Variants in SLIT2 observed in about 807,000 individuals in gnomAD.
The protein encoded by SLIT2 is slit guidance ligand 2.
SLIT2 carries 41 observed loss-of-function variants against 185.7 expected under a neutral mutation model. The ratio of observed to expected loss-of-function variants is 0.22; its 90% CI spans 0.17 to 0.29. The LOEUF (loss-of-function observed/expected upper bound fraction) is 0.29. Ranked by LOEUF, SLIT2 falls within the 10% of genes least tolerant of loss-of-function variation. The pLI, the probability that SLIT2 is intolerant of heterozygous loss-of-function variation, is 1.00. For synonymous variants in SLIT2, 693 were observed against 680.2 expected (o/e 1.02, Z -0.29); for missense variants, 1,571 against 1,909.0 (o/e 0.82, Z 3.30).
At chr4:20,258,455 TA>T in intron 3 of SLIT2, among the ~76,000 whole-genome samples, 1 of 151,816 alleles carries the variant, frequency 6.6e-6, no homozygotes, top group Admixed American at 6.6e-5. Flanking sequence ...TTTTCAGTTT[TA>T]TTTTATTTGG....
chr4:20,483,106 CATT>C (rs1431451625), intron 6 of SLIT2, among the ~76,000 whole-genome samples: 2 of 151,982 alleles, frequency 1.3e-5, no homozygotes, highest in Non-Finnish European at 2.9e-5. Flanking sequence ...AATGAAGGAA[CATT>C]AACTTACACA....
chr4:20,359,322 G>A (rs1013145789), intron 4 of SLIT2, among the ~76,000 whole-genome samples: 1 of 152,012 alleles, frequency 6.6e-6, no homozygotes, highest in Non-Finnish European at 1.5e-5. Context: ...GCCAAAGAAT[G>A]GTGTGTTTTG....
rs3733508 is a variant in SLIT2 at position 20,440,865 on chromosome 4, C to T, written c.396-26887C>T. Among the ~76,000 whole-genome samples the T allele has an allele frequency of 2.1e-4, 32 of 152,236 alleles. No homozygotes were observed. The East Asian group carries it at 4.5e-3, about 21-fold the overall frequency. Reference sequence around the variant, plus strand: ...GTGGGCATAATTTTTAAGAGACTCACCTATTGAGGAGTCATCGTACCCAAA... The same window carrying T: ...GTGGGCATAATTTTTAAGAGACTCATCTATTGAGGAGTCATCGTACCCAAA... On this transcript the variant is annotated intron_variant, in intron 4 of 36. Transcript: ENST00000504154.
intron 4 of SLIT2, among the ~76,000 whole-genome samples, chr4:20,277,804 A>G (rs1714317855): frequency 6.7e-6 from 1 of 150,320 alleles, no homozygotes; most frequent in Admixed American, 6.6e-5. Flanking sequence ...AGGGAAGAAT[A>G]ATGCCATTAA....
chr4:20,525,050 T>C (rs1721162634), intron 14 of SLIT2, 99 bp from the exon 15 acceptor site: 1 of 841,832 alleles, frequency 1.2e-6, no homozygotes, highest in Non-Finnish European at 2.0e-6. Flanking sequence ...TTTCACTTAA[T>C]TGCAGTAACT....
Position 20,472,278 on chromosome 4 carries a change from A to ATATATATC in SLIT2, c.467+4462_467+4463insCTATATAT, listed in dbSNP as rs1715199086. Among the ~76,000 whole-genome samples, 14 of 32,850 alleles carry ATATATATC rather than the reference A, an allele frequency of 4.3e-4. No individual in the cohort carries two copies. In the South Asian group the frequency reaches 0.01, roughly 24 times the overall value. The allele number at this position is 32,850 out of a possible 152,430, so 21.6% of individuals were successfully genotyped here. A position where few individuals can be genotyped will look rare whatever the true frequency, so the allele number is the denominator to read the frequency against. ...TAGATCTATATATAGATATATATCTATATATATAGATATATAGATATATAG... is the reference window on the plus strand; with the variant it reads ...TAGATCTATATATAGATATATATCTATATATATCTATATATAGATATATAGATATATAG... On this transcript the variant is annotated intron_variant, in intron 5 of 36. Transcript: ENST00000504154.
Position 20,557,575 on chromosome 4 carries a change from C to T in SLIT2, c.2725+3607C>T, listed in dbSNP as rs542226775. On this transcript the variant is annotated intron_variant, in intron 26 of 36. Transcript: ENST00000504154. ...TGCTTCTTCACAGTGCACCTAGTCACCCAAGAGCTCTGATGGAAATACACA... is the reference window on the plus strand; with the variant it reads ...TGCTTCTTCACAGTGCACCTAGTCATCCAAGAGCTCTGATGGAAATACACA... Among the ~76,000 whole-genome samples, 9 of 152,112 alleles carry T rather than the reference C, an allele frequency of 5.9e-5. No homozygotes were observed. The East Asian group carries it at 1.2e-3, about 20-fold the overall frequency.
At chr4:20,578,956 T>G (rs1263871029) in intron 29 of SLIT2, among the ~76,000 whole-genome samples, 1 of 152,132 alleles carries the variant, frequency 6.6e-6, no homozygotes, top group African/African-American at 2.4e-5. Context: ...TAAGCCTAGA[T>G]GAGACATCCC....
intron 4 of SLIT2, among the ~76,000 whole-genome samples, chr4:20,288,638 A>G (rs919689541): frequency 1.3e-5 from 2 of 152,234 alleles, no homozygotes; most frequent in African/African-American, 4.8e-5. Context: ...ATGAACGGCT[A>G]TGGTTAATGG....
intron 33 of SLIT2, among the ~76,000 whole-genome samples, chr4:20,601,127 C>T (rs1309303605): frequency 6.6e-6 from 1 of 152,052 alleles, no homozygotes; most frequent in African/African-American, 2.4e-5. Context: ...GCATGAATAC[C>T]ATTTTATATC....
chr4:20,443,893 C>T (rs1444968563), intron 4 of SLIT2, among the ~76,000 whole-genome samples: 1 of 152,026 alleles, frequency 6.6e-6, no homozygotes, highest in Non-Finnish European at 1.5e-5. Flanking sequence ...GCCAGAGATT[C>T]AAGGAGGAGA....
intron 4 of SLIT2, among the ~76,000 whole-genome samples, chr4:20,306,815 A>G (rs1717592299): frequency 6.6e-6 from 1 of 152,064 alleles, no homozygotes; most frequent in Admixed American, 6.6e-5. Context: ...ATTGGTGACC[A>G]CTTCTGGTAT....
At chr4:20,519,184 A>G (rs1431931617) in intron 11 of SLIT2, among the ~76,000 whole-genome samples, 198 bp from the exon 12 acceptor site, 1 of 152,198 alleles carries the variant, frequency 6.6e-6, no homozygotes, top group African/African-American at 2.4e-5. Flanking sequence ...TCTGTTTTCC[A>G]AATGTTCTAC....
chr4:20,572,203 C>T (rs1725663402), intron 29 of SLIT2, among the ~76,000 whole-genome samples: 2 of 152,164 alleles, frequency 1.3e-5, no homozygotes, highest in South Asian at 4.1e-4. Flanking sequence ...TGTAACTTCA[C>T]CACCCTAGTC....
At chr4:20,599,335 T>C (rs1728235203) in intron 33 of SLIT2, among the ~76,000 whole-genome samples, 2 of 152,148 alleles carry the variant, frequency 1.3e-5, no homozygotes, top group Non-Finnish European at 2.9e-5. Context: ...GCAGACAATT[T>C]AGCTATTTAA....
intron 34 of SLIT2, 50 bp from the exon 35 acceptor site, chr4:20,616,860 G>T (rs1464966095): frequency 2.6e-6 from 4 of 1,529,462 alleles, no homozygotes; most frequent in Non-Finnish European, 2.6e-6. Flanking sequence ...GTAGCAAATG[G>T]CTCAGAAATC....
chr4:20,586,144 G>T (rs1727040369), intron 29 of SLIT2, among the ~76,000 whole-genome samples: 1 of 152,072 alleles, frequency 6.6e-6, no homozygotes, highest in Non-Finnish European at 1.5e-5. Flanking sequence ...TTTGAAAGCG[G>T]TCCTTCCCTC....
intron 4 of SLIT2, among the ~76,000 whole-genome samples, chr4:20,293,188 T>G (rs887597200): frequency 2.6e-5 from 4 of 152,248 alleles, no homozygotes; most frequent in Non-Finnish European, 5.9e-5. Flanking sequence ...TCAAGCTGTT[T>G]TAAAGACTCT....
chr4:20,484,820 T>C lies in SLIT2; in HGVS notation c.540-1380T>C, dbSNP rs758090842. 3.3e-5 allele frequency among the ~76,000 whole-genome samples: 5 copies of C among 152,156 alleles called. No homozygotes were observed. Among genetic ancestry groups the C allele is most frequent in the African/African-American group, 4.8e-5 (2 of 41,444 alleles). ...TCCCTTACAGCAGGTCAGTAGTCCATTGGAGCTGGAGATTATCTGCCACAA... is the reference window on the plus strand; with the variant it reads ...TCCCTTACAGCAGGTCAGTAGTCCACTGGAGCTGGAGATTATCTGCCACAA... On this transcript the variant is annotated intron_variant, in intron 6 of 36. Transcript: ENST00000504154. This position sits in a 1 kb window ranked among gnomAD's most constrained non-coding sequence, Gnocchi z 4.3.
Sources: gnomAD v4.1 joint callset for allele counts (sites outside exome capture counted in the v4.1 genomes callset) on GRCh38, gnomAD v4.1.1 for gene constraint, Gnocchi (gnomAD v3.1) non-coding constraint, MANE v1.5 for transcripts, NCBI Gene and HGNC (gene_info 2026-07-23, HGNC 2026-07-21) for gene names.